EPS8: variants seen among roughly 807,000 people sequenced by gnomAD.
EPS8 encodes EGFR pathway substrate 8, signaling adaptor, also known as epidermal growth factor receptor kinase substrate 8.
A neutral mutation model predicts 103.8 loss-of-function variants in EPS8; 42 were observed. That is an observed-to-expected ratio of 0.40 (90% CI 0.32 to 0.52). The LOEUF is 0.52. Among genes scored for constraint, EPS8 ranks in the 20% least tolerant of loss-of-function variants. EPS8 has a pLI of 0.40. For synonymous variants in EPS8, 344 were observed against 344.6 expected (o/e 1.00, Z 0.02); for missense variants, 969 against 1,005.1 (o/e 0.96, Z 0.49).
intron 20 of EPS8, among the ~76,000 whole-genome samples, chr12:15,622,542 A>G (rs1376704141): frequency 6.6e-6 from 1 of 152,224 alleles, no homozygotes; most frequent in Non-Finnish European, 1.5e-5. Flanking sequence ...GTTGGAAACT[A>G]CTACCCGTAT....
At position 15,696,139 on chromosome 12, in the gene EPS8, A is replaced by C. The variant is rs527744753; in HGVS notation, c.-21-13167T>G. ...AACAAAGAATTTATGCATTTATTGA[A>C]AGTGTTTTTAATGTTTCAAGACAAG... On this transcript the variant is annotated intron_variant, in intron 1 of 20. Coordinates refer to ENST00000281172, the MANE Select transcript of EPS8 (RefSeq NM_004447.6). The surrounding 1 kb of genome is among the most constrained non-coding windows in gnomAD (Gnocchi z 4.8). 1.3e-5 allele frequency among the ~76,000 whole-genome samples: 2 copies of C among 152,324 alleles called. No individual in the cohort carries two copies. Among genetic ancestry groups the C allele is most frequent in the East Asian group, 3.9e-4 (2 of 5,186 alleles).
chr12:15,623,547 A>G (rs1359065493), intron 19 of EPS8, among the ~76,000 whole-genome samples: 1 of 152,170 alleles, frequency 6.6e-6, no homozygotes, highest in African/African-American at 2.4e-5. Flanking sequence ...TTTAATACCA[A>G]TTCTTGGGAT....
chr12:15,715,863 C>CTGCA lies in EPS8; in HGVS notation c.-21-32895_-21-32892dup, dbSNP rs542357016. Among the ~76,000 whole-genome samples the CTGCA allele has an allele frequency of 4.0e-4, 60 of 150,916 alleles. No homozygotes were observed. In the South Asian group the frequency reaches 0.012, roughly 30 times the overall value. On this transcript the variant is annotated intron_variant, in intron 1 of 20. Coordinates refer to ENST00000281172, the MANE Select transcript of EPS8 (RefSeq NM_004447.6). ...AAATCTGCTTTCTGGGGAACCCAAACTGCAACAGAAGGACATTAGGGAAAA... is the reference window on the plus strand; with the variant it reads ...AAATCTGCTTTCTGGGGAACCCAAACTGCATGCAACAGAAGGACATTAGGGAAAA...
rs78011983 is a variant in EPS8, at chr12:15,625,051, A to G, written c.2045-644T>C. Reference sequence around the variant, plus strand: ...CTTAGACAAGTATTGAATATATTCTACTTTCTCTCTACAAACTTCTAACCC... The same window carrying G: ...CTTAGACAAGTATTGAATATATTCTGCTTTCTCTCTACAAACTTCTAACCC... On this transcript the variant is annotated intron_variant, in intron 18 of 20. Transcript: ENST00000281172. 6.7e-3 allele frequency among the ~76,000 whole-genome samples: 1,015 copies of G among 152,324 alleles called. 11 individuals carry two copies. The highest frequency in any genetic ancestry group is 0.037 in the Middle Eastern group (11 of 294).
intron 1 of EPS8, among the ~76,000 whole-genome samples, chr12:15,685,897 C>T (rs1038342714): frequency 6.6e-6 from 1 of 152,230 alleles, no homozygotes; most frequent in African/African-American, 2.4e-5. Flanking sequence ...ACTGTTAAAG[C>T]AACCTAAAAA....
At position 15,747,950 on chromosome 12, in the gene EPS8, G is replaced by T. The variant is rs145703092; in HGVS notation, c.-22+41211C>A. 0.027 allele frequency among the ~76,000 whole-genome samples: 4,052 copies of T among 151,452 alleles called. 181 individuals carry two copies. The highest frequency in any genetic ancestry group is 0.093 in the African/African-American group (3,846 of 41,210). ...CAGGAGAATCGCTTGAACCCGGGAGGCGGAGATTGCAGTGAGCCGAGATCA... is the reference window on the plus strand; with the variant it reads ...CAGGAGAATCGCTTGAACCCGGGAGTCGGAGATTGCAGTGAGCCGAGATCA... On this transcript the variant is annotated intron_variant, in intron 1 of 20. Transcript: ENST00000281172. This position sits in a 1 kb window ranked among gnomAD's most constrained non-coding sequence, Gnocchi z 4.4.
rs758695905 is a variant in EPS8 at position 15,665,915 on chromosome 12, G to C, written c.600-23C>G. 40 of 1,609,812 alleles carry C rather than the reference G, an allele frequency of 2.5e-5. 1 individual carries two copies. In the South Asian group the frequency reaches 4.2e-4, roughly 17 times the overall value. ...ATCCTTAAAAAGATGAAAACAAATA[G>C]AATTTTTACCATCTCTATTTCTATA... is the stretch of plus-strand genomic sequence containing the variant. On this transcript the variant is annotated intron_variant, in intron 7 of 20. Transcript: ENST00000281172.
At position 15,777,605 on chromosome 12, in the gene EPS8, G is replaced by C. The variant is rs1947220277; in HGVS notation, c.-22+11556C>G. Among the ~76,000 whole-genome samples, 1 of 152,094 alleles carries C rather than the reference G, an allele frequency of 6.6e-6. No homozygotes were observed. The highest frequency in any genetic ancestry group is 1.5e-5 in the Non-Finnish European group (1 of 68,012). ...CCACTATGAATGTCTCTTTTATTCA[G>C]ACTTCTCTCTCCATGACTGAGATCT... On this transcript the variant is annotated intron_variant, in intron 1 of 20. Coordinates refer to ENST00000281172, the MANE Select transcript of EPS8 (RefSeq NM_004447.6). The surrounding 1 kb of genome is among the most constrained non-coding windows in gnomAD (Gnocchi z 4.7).
chr12:15,657,078 C>G (rs1945520011), intron 12 of EPS8, among the ~76,000 whole-genome samples: 1 of 152,124 alleles, frequency 6.6e-6, no homozygotes, highest in South Asian at 2.1e-4. Context: ...CAAAGGTCTC[C>G]CAATCCCTTA....
Position 15,623,200 on chromosome 12 carries a change from C to T in EPS8, c.2313G>A (p.Ala771=), listed in dbSNP as rs761418186. ...DELRTVCPEG[A]RVYSQITVQK... ...GTACAGTGATTTGGCTATAGACTCT[C>T]GCCCCTTCAGGGCAGACTGTCCTCA... is the stretch of plus-strand genomic sequence containing the variant. The change falls in exon 20 of 21, where the codon GCG becomes GCA. Residue 771 remains alanine (A), a synonymous_variant. Transcript: ENST00000281172. 170 of 1,613,190 alleles carry T rather than the reference C, an allele frequency of 1.1e-4. 1 individual carries two copies. The Middle Eastern group carries it at 1.8e-3, about 17-fold the overall frequency.
intron 1 of EPS8, among the ~76,000 whole-genome samples, chr12:15,740,564 A>AAAAT (rs60477147): frequency 0.087 from 12,938 of 149,462 alleles, 655 homozygotes; most frequent in Middle Eastern, 0.11. Flanking sequence ...AAAAATAATA[A>AAAAT]AAATAAATAA....
At position 15,721,462 on chromosome 12, in the gene EPS8, G is replaced by A. The variant is rs1329631780; in HGVS notation, c.-21-38490C>T. ...ATACTCAGCTAAAAGAACGAGGTTTGTGGGGCTCAACAAAAAAGTAATCGT... is the reference window on the plus strand; with the variant it reads ...ATACTCAGCTAAAAGAACGAGGTTTATGGGGCTCAACAAAAAAGTAATCGT... On this transcript the variant is annotated intron_variant, in intron 1 of 20. Transcript: ENST00000281172. The surrounding 1 kb of genome is among the most constrained non-coding windows in gnomAD (Gnocchi z 4.4). Among the ~76,000 whole-genome samples, 2 of 152,168 alleles carry A rather than the reference G, an allele frequency of 1.3e-5. No homozygotes were observed. The highest frequency in any genetic ancestry group is 2.9e-5 in the Non-Finnish European group (2 of 68,032).
chr12:15,623,719 A>G (rs1944898533), intron 19 of EPS8, among the ~76,000 whole-genome samples: 1 of 152,222 alleles, frequency 6.6e-6, no homozygotes, highest in African/African-American at 2.4e-5. Context: ...TACATATGAA[A>G]TGTTTATAGA....
At chr12:15,623,433 T>C (rs1414229723) in intron 19 of EPS8, 146 bp from the exon 20 acceptor site, 18 of 640,970 alleles carry the variant, frequency 2.8e-5, no homozygotes, top group Non-Finnish European at 4.7e-5. Context: ...ACAGTCTTTA[T>C]AGTTAGGGCA....
At chr12:15,711,628 C>T (rs1461659471) in intron 1 of EPS8, among the ~76,000 whole-genome samples, 1 of 152,158 alleles carries the variant, frequency 6.6e-6, no homozygotes, top group Non-Finnish European at 1.5e-5. Flanking sequence ...GCCACTAAAG[C>T]TGACCAAAGC....
intron 1 of EPS8, among the ~76,000 whole-genome samples, chr12:15,742,126 G>T (rs550160328): frequency 8.5e-5 from 13 of 152,240 alleles, no homozygotes; most frequent in Middle Eastern, 6.8e-3. Context: ...AAGGACATTT[G>T]GGTTGGTTCC....
In EPS8 at chr12:15,701,341, G is replaced by A. The variant is rs1417037481; in HGVS notation, c.-21-18369C>T. ...GGAAACTGGGGCACAGAAGTGCCTT[G>A]CTCAGTATCACAGTTAGTACATGGT... On this transcript the variant is annotated intron_variant, in intron 1 of 20. Coordinates refer to ENST00000281172, the MANE Select transcript of EPS8 (RefSeq NM_004447.6). This position sits in a 1 kb window ranked among gnomAD's most constrained non-coding sequence, Gnocchi z 5.1. Among the ~76,000 whole-genome samples the A allele has an allele frequency of 6.6e-6, 1 of 152,194 alleles. No homozygotes were observed. Among genetic ancestry groups the A allele is most frequent in the Non-Finnish European group, 1.5e-5 (1 of 68,030 alleles).
At chr12:15,774,720 T>A (rs1310781708) in intron 1 of EPS8, among the ~76,000 whole-genome samples, 1 of 148,496 alleles carries the variant, frequency 6.7e-6, no homozygotes, top group Non-Finnish European at 1.5e-5. Flanking sequence ...TAAAAAATAG[T>A]GACCAAAATA....
chr12:15,634,081 C>T (rs1394790188), intron 17 of EPS8, among the ~76,000 whole-genome samples: 1 of 152,130 alleles, frequency 6.6e-6, no homozygotes. Flanking sequence ...ACTTTTTTCT[C>T]CTGAACCAAC....
Sources: allele counts gnomAD v4.1 joint callset (sites outside exome capture counted in the v4.1 genomes callset), GRCh38; gene constraint gnomAD v4.1.1; non-coding constraint Gnocchi (gnomAD v3.1); transcripts MANE v1.5; gene names NCBI Gene and HGNC (gene_info 2026-07-23, HGNC 2026-07-21).